TBC1D2: variants seen among roughly 807,000 people sequenced by gnomAD.
TBC1D2 encodes the protein TBC1 domain family member 2A.
Under a neutral mutation model 91.1 loss-of-function variants are expected in TBC1D2, and 58 were observed. The ratio of observed to expected loss-of-function variants is 0.64; its 90% CI spans 0.52 to 0.79. The LOEUF (loss-of-function observed/expected upper bound fraction) is 0.79, where lower values mean the gene tolerates loss of function less well. Ranked by LOEUF, TBC1D2 falls within the 30% of genes least tolerant of loss-of-function variation. The probability of loss-of-function intolerance (pLI) is 0.00; values close to 1 mark genes in which losing one functional copy is unlikely to be tolerated. For missense variants in TBC1D2, 1,080 were observed against 1,208.3 expected, an observed-to-expected ratio of 0.89 and a Z score of 1.57; for synonymous variants, 482 against 511.5, an observed-to-expected ratio of 0.94 and a Z score of 0.78.
intron 2 of TBC1D2, among the ~76,000 whole-genome samples, chr9:98,250,896 T>G (rs17766913): frequency 0.14 from 20,553 of 152,176 alleles, 1,716 homozygotes; most frequent in Non-Finnish European, 0.18. Flanking sequence ...CCTGGACTCT[T>G]CCACGTTGGG....
At chr9:98,235,547 C>A in intron 3 of TBC1D2, 1 of 453,916 alleles carries the variant, frequency 2.2e-6, no homozygotes, top group Non-Finnish European at 4.3e-6. Flanking sequence ...ATTTATTCGA[C>A]ATTCAAAATC....
chr9:98,237,945 C>T (rs1032611212), intron 3 of TBC1D2, among the ~76,000 whole-genome samples: 1 of 149,702 alleles, frequency 6.7e-6, no homozygotes, highest in Non-Finnish European at 1.5e-5. Context: ...ACTCTGTTGC[C>T]CAGGCTGGAG....
intron 6 of TBC1D2, 127 bp downstream of exon 6, chr9:98,220,706 G>T: frequency 8.3e-7 from 1 of 1,206,698 alleles, no homozygotes; most frequent in Non-Finnish European, 1.2e-6. Flanking sequence ...TTTCTAATGT[G>T]AATATTCTAG....
rs757744298 is a variant in TBC1D2, at chr9:98,229,137, C to T, written c.793G>A (p.Glu265Lys). The T allele has an allele frequency of 5.0e-6, 8 of 1,614,220 alleles. No homozygotes were observed. The highest frequency in any genetic ancestry group is 3.3e-5 in the Admixed American group (2 of 60,028). ...SDASTPGREP[E>K]DSPKPAPKPS... ...TTGGGTGCAGGCTTTGGAGAATCCT[C>T]TGGCTCTCTCCCTGCTCAAGAGGAG... Residue 265 changes from glutamate to lysine, a missense_variant, in exon 5 of 13, where the codon GAG (glutamate) becomes AAG (lysine). By Grantham distance (56) the Glu-to-Lys change is moderately conservative. Coordinates refer to ENST00000465784, the MANE Select transcript of TBC1D2 (RefSeq NM_001267571.2).
At chr9:98,220,782 G>T in intron 6 of TBC1D2, 51 bp downstream of exon 6, 1 of 1,598,702 alleles carries the variant, frequency 6.3e-7, no homozygotes, top group Non-Finnish European at 8.5e-7. Flanking sequence ...TTCCCTGAGG[G>T]CTGGGACAGA....
intron 11 of TBC1D2, 99 bp from the exon 12 acceptor site, chr9:98,200,473 T>G: frequency 9.3e-7 from 1 of 1,071,552 alleles, no homozygotes; most frequent in South Asian, 1.4e-5. Flanking sequence ...TGGAAGACCC[T>G]GGACTGGCTG....
rs148143158 is a variant in TBC1D2, at chr9:98,208,742, G to A, written c.2076C>T (p.Pro692=). 3.9e-3 allele frequency: 6,041 copies of A among 1,562,112 alleles called. 18 individuals are homozygous for A. Among genetic ancestry groups the A allele is most frequent in the South Asian group, 8.4e-3 (699 of 82,786 alleles). The change falls in exon 9 of 13, where the codon CCC becomes CCT. Residue 692 remains proline (P), a synonymous_variant. Transcript: ENST00000465784. Reference sequence around the variant, plus strand: ...CCAGCAGCACCCGGCGGAGCTTGTCGGGGAAGCTGGAGGTGGGGCAGGTGA... The same window carrying A: ...CCAGCAGCACCCGGCGGAGCTTGTCAGGGAAGCTGGAGGTGGGGCAGGTGA... The part of the protein sequence containing the change: ...KHFTCPTSSF[P]DKLRRVLLAF...
intron 8 of TBC1D2, among the ~76,000 whole-genome samples, chr9:98,209,827 C>A (rs928357118): frequency 1.4e-5 from 2 of 142,048 alleles, no homozygotes; most frequent in African/African-American, 5.3e-5. Context: ...TCCCTTCCCC[C>A]CTTCCTTTCT....
At chr9:98,201,782 C>G in intron 10 of TBC1D2, 118 bp from the exon 11 acceptor site, 1 of 1,033,892 alleles carries the variant, frequency 9.7e-7, no homozygotes, top group Non-Finnish European at 1.4e-6. Flanking sequence ...CTGGGCAGGT[C>G]CTTTCCTGCC....
intron 9 of TBC1D2, among the ~76,000 whole-genome samples, chr9:98,205,251 C>A (rs548794455): frequency 2.6e-5 from 4 of 152,306 alleles, no homozygotes; most frequent in African/African-American, 9.6e-5. Context: ...TAGCTGCCAG[C>A]ATTGGTTTAG....
chr9:98,207,282 G>A (rs1386830933), intron 9 of TBC1D2, among the ~76,000 whole-genome samples: 1 of 152,180 alleles, frequency 6.6e-6, no homozygotes, highest in Non-Finnish European at 1.5e-5. Flanking sequence ...TTAAATAAAT[G>A]TCACACACCA....
rs1215294135 is a variant in TBC1D2 at position 98,201,649 on chromosome 9, G to GC, written c.2286dup (p.Leu763AlafsTer41). On this transcript the variant is annotated frameshift_variant, in exon 11 of 13. Transcript: ENST00000465784. LOFTEE classifies it high-confidence loss of function. ...AGCTTCTCCGAGAGCAGGTCCTGGA[G>GC]CACCCGCTGGTCCACCTGGAAGCCA... The GC allele has an allele frequency of 6.2e-7, 1 of 1,612,182 alleles. No homozygotes were observed. The highest frequency in any genetic ancestry group is 1.3e-5 in the African/African-American group (1 of 75,028).
chr9:98,210,619 TCA>T, intron 8 of TBC1D2, 35 bp downstream of exon 8: 2 of 1,516,744 alleles, frequency 1.3e-6, no homozygotes, highest in Non-Finnish European at 1.8e-6. Context: ...AGCCGCCAGC[TCA>T]CATAGACCAG....
chr9:98,208,194 C>A (rs1423597671), intron 9 of TBC1D2, among the ~76,000 whole-genome samples: 1 of 152,088 alleles, frequency 6.6e-6, no homozygotes, highest in Non-Finnish European at 1.5e-5. Context: ...CCATCTCTGT[C>A]TTGAACATGT....
At chr9:98,212,379 C>T (rs188057753) in intron 7 of TBC1D2, among the ~76,000 whole-genome samples, 92 of 152,274 alleles carry the variant, frequency 6.0e-4, no homozygotes, top group African/African-American at 2.2e-3. Flanking sequence ...GGTCCTTCTC[C>T]ACTGCTTGCC....
intron 3 of TBC1D2, among the ~76,000 whole-genome samples, chr9:98,233,792 G>C (rs1489356552): frequency 4.6e-5 from 7 of 152,190 alleles, no homozygotes; most frequent in African/African-American, 1.7e-4. Context: ...ATACAAGCTT[G>C]ACTTCCTTAA....
In TBC1D2 at chr9:98,205,080, A is replaced by G. The variant is rs1450082848; in HGVS notation, c.2151-1672T>C. On this transcript the variant is annotated intron_variant, in intron 9 of 12. Coordinates refer to ENST00000465784, the MANE Select transcript of TBC1D2 (RefSeq NM_001267571.2). ...AACTCCTTATTGCAGTGGTGGAAAA[A>G]CCAAGGCTTAGAAAGCAGAAGTTAC... Among the ~76,000 whole-genome samples the G allele has an allele frequency of 2.0e-5, 3 of 152,204 alleles. No individual in the cohort carries two copies. In the East Asian group the frequency reaches 5.8e-4, roughly 29 times the overall value.
intron 9 of TBC1D2, among the ~76,000 whole-genome samples, chr9:98,205,400 G>A (rs1275239129): frequency 6.6e-6 from 1 of 152,216 alleles, no homozygotes; most frequent in Non-Finnish European, 1.5e-5. Context: ...GTTGATGGGG[G>A]AAAAACAAAC....
intron 5 of TBC1D2, among the ~76,000 whole-genome samples, chr9:98,223,913 G>A (rs370260198): frequency 6.6e-5 from 10 of 152,336 alleles, no homozygotes; most frequent in East Asian, 3.9e-4. Flanking sequence ...CTTAAAAATA[G>A]GTTGGGCCGG....
Sources: allele counts gnomAD v4.1 joint callset (sites outside exome capture counted in the v4.1 genomes callset), GRCh38; gene constraint gnomAD v4.1.1; transcripts MANE v1.5; gene names NCBI Gene and HGNC (gene_info 2026-07-23, HGNC 2026-07-21).